Variants in NCOR2 observed in about 807,000 individuals in gnomAD.
NCOR2 encodes nuclear receptor corepressor 2, also known as CTG repeat protein 26.
A neutral mutation model predicts 262.9 loss-of-function variants in NCOR2; 81 were observed. That is an observed-to-expected ratio of 0.31 (90% CI 0.26 to 0.37). The LOEUF (loss-of-function observed/expected upper bound fraction) is 0.37. NCOR2 is among the 10% of genes least tolerant of loss of function. NCOR2 has a pLI of 1.00. For missense variants in NCOR2, 3,385 were observed against 3,621.4 expected, an observed-to-expected ratio of 0.93 and a Z score of 1.68; for synonymous variants, 1,659 against 1,559.3, an observed-to-expected ratio of 1.06 and a Z score of -1.51.
At chr12:124,326,400 C>T (rs376049688) in intron 45 of NCOR2, 30 bp from the exon 48 acceptor site, 243 of 1,470,102 alleles carry the variant, frequency 1.7e-4, no homozygotes, top group Non-Finnish European at 2.1e-4. Flanking sequence ...GAAGGGGCTG[C>T]GTTGGGCAGT....
chr12:124,381,736 A>G (rs1376738267), intron 17 of NCOR2, among the ~76,000 whole-genome samples: 1 of 152,206 alleles, frequency 6.6e-6, no homozygotes, highest in Non-Finnish European at 1.5e-5. Context: ...GGTAGAAGAG[A>G]TTAACAGCAG....
chr12:124,357,943 G>A (rs2038104782), intron 22 of NCOR2, among the ~76,000 whole-genome samples: 1 of 151,234 alleles, frequency 6.6e-6, no homozygotes, highest in African/African-American at 2.4e-5. Flanking sequence ...GTGTGTGTGA[G>A]TGCATGGATG....
chr12:124,395,759 A>G (rs2041614880), intron 16 of NCOR2, among the ~76,000 whole-genome samples: 1 of 152,106 alleles, frequency 6.6e-6, no homozygotes, highest in South Asian at 2.1e-4. Context: ...GAAGGGATGG[A>G]GAGGCGGTGG....
At chr12:124,522,769 G>A (rs1278698118) in intron 1 of NCOR2, among the ~76,000 whole-genome samples, 1 of 152,252 alleles carries the variant, frequency 6.6e-6, no homozygotes, top group African/African-American at 2.4e-5. Flanking sequence ...AAAACTGGCT[G>A]GAAGCTGCAG....
At chr12:124,360,505 A>G (rs964401249) in intron 22 of NCOR2, among the ~76,000 whole-genome samples, 2 of 152,170 alleles carry the variant, frequency 1.3e-5, no homozygotes, top group East Asian at 3.9e-4. Flanking sequence ...CCAAGATACA[A>G]ATCAGATAAC....
At chr12:124,355,233 C>T in intron 24 of NCOR2, 199 bp downstream of exon 26, 1 of 660,126 alleles carries the variant, frequency 1.5e-6, no homozygotes, top group Non-Finnish European at 2.6e-6. Flanking sequence ...ATGCCCTTGA[C>T]TGCAATACAG....
intron 6 of NCOR2, among the ~76,000 whole-genome samples, chr12:124,450,448 G>A (rs1037314173): frequency 3.3e-5 from 5 of 152,128 alleles, no homozygotes; most frequent in South Asian, 2.1e-4. Flanking sequence ...CCCCGCTTCC[G>A]ACCCCCATGC....
intron 1 of NCOR2, among the ~76,000 whole-genome samples, chr12:124,494,067 G>A (rs1416665599): frequency 1.3e-5 from 2 of 152,174 alleles, no homozygotes; most frequent in African/African-American, 2.4e-5. Context: ...CGCCCCAGGG[G>A]CCCAACCTAC....
intron 5 of NCOR2, among the ~76,000 whole-genome samples, chr12:124,465,492 A>C (rs1430880687): frequency 6.6e-6 from 1 of 152,150 alleles, no homozygotes; most frequent in Non-Finnish European, 1.5e-5. Context: ...CAGCAAGACC[A>C]GACCCACTAT....
chr12:124,337,285 G>A, intron 37 of NCOR2, 105 bp from the exon 40 acceptor site: 2 of 1,338,832 alleles, frequency 1.5e-6, no homozygotes, highest in Non-Finnish European at 1.0e-6. Context: ...ATCCCCTGCT[G>A]CTCCCAGAGT....
At chr12:124,376,760 C>T (rs1407645562) in intron 18 of NCOR2, among the ~76,000 whole-genome samples, 1 of 152,174 alleles carries the variant, frequency 6.6e-6, no homozygotes, top group African/African-American at 2.4e-5. Context: ...GTGACTTGCA[C>T]CTTCTGCCAG....
chr12:124,372,298 T>C, exon 20 of NCOR2: 1 of 1,537,434 alleles, frequency 6.5e-7, no homozygotes, highest in Non-Finnish European at 8.7e-7. Context: ...CGCGGGGGGC[T>C]TCTGCTCCTC....
chr12:124,526,966 G>A (rs1314103052), intron 1 of NCOR2, among the ~76,000 whole-genome samples: 1 of 152,198 alleles, frequency 6.6e-6, no homozygotes. Flanking sequence ...GCCAATCAGG[G>A]CCGCTGAAAG....
At chr12:124,344,619 C>G in exon 32 of NCOR2, 2 of 1,460,514 alleles carry the variant, frequency 1.4e-6, no homozygotes, top group South Asian at 2.8e-5. Context: ...GCGGCGTGGG[C>G]TCCCGCGTGG....
chr12:124,547,379 G>A (rs1421555787), intron 1 of NCOR2, among the ~76,000 whole-genome samples: 2 of 152,156 alleles, frequency 1.3e-5, no homozygotes, highest in Admixed American at 1.3e-4. Context: ...TGTATGTGTA[G>A]GAAAAGATGG....
At chr12:124,428,088 T>TGTGC (rs1555221785) in intron 10 of NCOR2, among the ~76,000 whole-genome samples, 3 of 147,428 alleles carry the variant, frequency 2.0e-5, no homozygotes, top group Admixed American at 6.7e-5. Flanking sequence ...TGTGTGTGTG[T>TGTGC]ACATGCAACA....
chr12:124,362,141 G>T, exon 22 of NCOR2: 1 of 1,301,736 alleles, frequency 7.7e-7, no homozygotes, highest in South Asian at 3.2e-5. Flanking sequence ...TTGTCGGCGG[G>T]GGGTGCCGGG....
At chr12:124,431,903 A>G (rs567317219) in intron 8 of NCOR2, among the ~76,000 whole-genome samples, 2 of 152,204 alleles carry the variant, frequency 1.3e-5, no homozygotes, top group African/African-American at 2.4e-5. Context: ...ACACAGGCAC[A>G]TAAGTCACAC....
intron 1 of NCOR2, among the ~76,000 whole-genome samples, chr12:124,555,706 A>G (rs1443792187): frequency 6.6e-6 from 1 of 152,192 alleles, no homozygotes; most frequent in East Asian, 1.9e-4. Flanking sequence ...AGAAAGCTGC[A>G]GTGGGTTTGG....
Sources: gnomAD v4.1 joint callset for allele counts (sites outside exome capture counted in the v4.1 genomes callset) on GRCh38, gnomAD v4.1.1 for gene constraint, MANE v1.5 for transcripts, NCBI Gene and HGNC (gene_info 2026-07-23, HGNC 2026-07-21) for gene names.